PNO1: variants seen among roughly 807,000 people sequenced by gnomAD.
PNO1 encodes RNA-binding protein PNO1.
In PNO1, 16 loss-of-function variants were observed where a neutral mutation model predicts 28.4. That is an observed-to-expected ratio of 0.56 (90% CI 0.38 to 0.85). The LOEUF is 0.85. PNO1 is among the 40% of genes least tolerant of loss of function. The probability of loss-of-function intolerance (pLI) is 0.00; values close to 1 mark genes in which losing one functional copy is unlikely to be tolerated. For missense variants in PNO1, 304 were observed against 312.2 expected, an observed-to-expected ratio of 0.97 and a Z score of 0.20; for synonymous variants, 115 against 110.8, an observed-to-expected ratio of 1.04 and a Z score of -0.24.
chr2:68,165,383 CA>C (rs70949677), intron 5 of PNO1, among the ~76,000 whole-genome samples: 8 of 93,350 alleles, frequency 8.6e-5, no homozygotes, highest in African/African-American at 2.5e-4. Flanking sequence ...AAAAAAACAA[CA>C]AAAAAAAAAA....
chr2:68,161,487 G>A (rs750356371), intron 2 of PNO1, 196 bp from the exon 3 acceptor site: 1 of 559,268 alleles, frequency 1.8e-6, no homozygotes, highest in Non-Finnish European at 3.3e-6. Context: ...CCAAGCTTTG[G>A]AGCTGGGAAC....
chr2:68,158,642 A>G lies in PNO1; in HGVS notation c.357+113A>G. 3 of 961,660 alleles carry G rather than the reference A, an allele frequency of 3.1e-6. No homozygotes were observed. In the South Asian group the frequency reaches 6.0e-5, roughly 19 times the overall value. 59.6% of individuals were successfully genotyped at this position (961,660 alleles called of 1,614,324 possible). On this transcript the variant is annotated intron_variant, in intron 2 of 6. Coordinates refer to ENST00000263657, the MANE Select transcript of PNO1 (RefSeq NM_020143.4). The stretch of plus-strand genomic sequence containing the variant: ...CTTTTCTGTTGTATGGTTTTTGTCC[A>G]GTTTAAAAATTTACCATATTGAGTT...
At chr2:68,159,358 G>A (rs1289052735) in intron 2 of PNO1, among the ~76,000 whole-genome samples, 1 of 151,884 alleles carries the variant, frequency 6.6e-6, no homozygotes, top group African/African-American at 2.4e-5. Context: ...ACAGGTGCCT[G>A]CCACCAAACC....
chr2:68,164,875 C>T (rs1243186450), intron 5 of PNO1, among the ~76,000 whole-genome samples: 1 of 152,114 alleles, frequency 6.6e-6, no homozygotes, highest in Non-Finnish European at 1.5e-5. Flanking sequence ...TCCAGATAAA[C>T]CTGTTGTAAA....
chr2:68,170,975 C>T (rs772034775), intron 5 of PNO1, among the ~76,000 whole-genome samples: 4 of 152,314 alleles, frequency 2.6e-5, no homozygotes, highest in Admixed American at 6.5e-5. Flanking sequence ...TTCCACTGCA[C>T]ACACTCAGCC....
At chr2:68,164,889 A>G (rs532130098) in intron 5 of PNO1, among the ~76,000 whole-genome samples, 1 of 152,362 alleles carries the variant, frequency 6.6e-6, no homozygotes, top group East Asian at 1.9e-4. Context: ...TTGTAAATTA[A>G]TGATCTCATA....
At chr2:68,163,724 A>G (rs1211462334) in intron 5 of PNO1, among the ~76,000 whole-genome samples, 2 of 152,300 alleles carry the variant, frequency 1.3e-5, no homozygotes, top group Non-Finnish European at 2.9e-5. Flanking sequence ...GGAGGGGAAT[A>G]TCGTACATTA....
rs1162172089 is a variant in PNO1 at position 68,175,932 on chromosome 2, A to G, written c.*1130A>G. 6.6e-6 allele frequency: 1 copy of G among 152,230 alleles called. No homozygotes were observed. Among genetic ancestry groups the G allele is most frequent in the Non-Finnish European group, 1.5e-5 (1 of 68,024 alleles). The allele number at this position is 152,230 out of a possible 1,614,324, so 9.4% of individuals were successfully genotyped here. A position where few individuals can be genotyped will look rare whatever the true frequency, so the allele number is the denominator to read the frequency against. On this transcript the variant is annotated 3_prime_UTR_variant, in exon 7 of 7. Transcript: ENST00000263657. ...TCGTCTAATACAAAGCCTATTTTAT[A>G]ATAAAGTATGTTGAATATCTCATGT... is the stretch of plus-strand genomic sequence containing the variant.
chr2:68,170,623 C>T (rs530449438), intron 5 of PNO1, among the ~76,000 whole-genome samples: 73 of 151,860 alleles, frequency 4.8e-4, no homozygotes, highest in African/African-American at 1.7e-3. Flanking sequence ...TGGTGGGCAC[C>T]TGTAGTCCCA....
intron 2 of PNO1, among the ~76,000 whole-genome samples, chr2:68,159,274 GTGTGTA>G (rs559839721): frequency 0.023 from 3,564 of 151,684 alleles, 137 homozygotes; most frequent in African/African-American, 0.081. Context: ...GTGTGTGTGT[GTGTGTA>G]TATATATCTT....
At position 68,166,135 on chromosome 2, in the gene PNO1, G is replaced by A. The variant is rs183971267; in HGVS notation, c.620+3472G>A. ...TATTTTGGATTTCTCCATTTTGTTG[G>A]GTGTATCAGTAGTTCCTTTTTATTG... On this transcript the variant is annotated intron_variant, in intron 5 of 6. Transcript: ENST00000263657. Among the ~76,000 whole-genome samples, 41 of 152,158 alleles carry A rather than the reference G, an allele frequency of 2.7e-4. 1 individual carries two copies. In the East Asian group the frequency reaches 7.7e-3, roughly 29 times the overall value.
chr2:68,165,562 A>AC (rs1364301822), intron 5 of PNO1, among the ~76,000 whole-genome samples: 3 of 148,172 alleles, frequency 2.0e-5, no homozygotes, highest in African/African-American at 7.5e-5. Context: ...AAAAAAAAAA[A>AC]AAACGGCTGG....
At chr2:68,166,396 A>AG (rs1673998149) in intron 5 of PNO1, among the ~76,000 whole-genome samples, 1 of 151,830 alleles carries the variant, frequency 6.6e-6, no homozygotes, top group South Asian at 2.1e-4. Context: ...GCTAGAGAAA[A>AG]AATGTTATTA....
chr2:68,168,435 T>A (rs1409236820), intron 5 of PNO1, among the ~76,000 whole-genome samples: 2 of 152,168 alleles, frequency 1.3e-5, no homozygotes, highest in Admixed American at 1.3e-4. Context: ...CAATCAAAGC[T>A]GTAGTTACTG....
chr2:68,163,424 G>A (rs1368799757), intron 5 of PNO1, among the ~76,000 whole-genome samples: 1 of 152,024 alleles, frequency 6.6e-6, no homozygotes, highest in Non-Finnish European at 1.5e-5. Context: ...CCACCTACTC[G>A]GGAGGCTGAG....
chr2:68,173,854 T>A (rs1053298617), intron 6 of PNO1, among the ~76,000 whole-genome samples: 1 of 152,222 alleles, frequency 6.6e-6, no homozygotes, highest in Non-Finnish European at 1.5e-5. Flanking sequence ...GTGCTGGGAT[T>A]ACAGGCGTGA....
At position 68,158,413 on chromosome 2, in the gene PNO1, C is replaced by T; in HGVS notation, c.241C>T (p.Pro81Ser). The change falls in exon 2 of 7, where the codon CCA becomes TCA. Residue 81 changes from proline (P) to serine (S), a missense_variant. Transcript: ENST00000263657. The part of the protein sequence containing the change: ...GKEETRKIPV[P>S]ANRYTPLKEN... Reference sequence around the variant, plus strand: ...AGAAGAAACAAGGAAAATTCCAGTCCCAGCTAACAGATACACACCATTGAA... The same window carrying T: ...AGAAGAAACAAGGAAAATTCCAGTCTCAGCTAACAGATACACACCATTGAA... The T allele has an allele frequency of 6.2e-7, 1 of 1,612,198 alleles. No homozygotes were observed. The highest frequency in any genetic ancestry group is 8.5e-7 in the Non-Finnish European group (1 of 1,179,364).
In PNO1 at chr2:68,162,445, T is replaced by C; in HGVS notation, c.503-101T>C. 4.8e-6 allele frequency: 5 copies of C among 1,038,302 alleles called. No homozygotes were observed. In the Admixed American group the frequency reaches 8.2e-5, roughly 17 times the overall value. 64.3% of individuals were successfully genotyped at this position (1,038,302 alleles called of 1,614,324 possible). A position where few individuals can be genotyped will look rare whatever the true frequency, so the allele number is the denominator to read the frequency against. Reference sequence around the variant, plus strand: ...GCAACTTATATATATATATATACACTTTGTGTCCTTTAGAGAAATTTAGTT... The same window carrying C: ...GCAACTTATATATATATATATACACCTTGTGTCCTTTAGAGAAATTTAGTT... On this transcript the variant is annotated intron_variant, in intron 4 of 6. Coordinates refer to ENST00000263657, the MANE Select transcript of PNO1 (RefSeq NM_020143.4).
chr2:68,171,453 A>G (rs2103690636), intron 5 of PNO1, among the ~76,000 whole-genome samples: 1 of 152,314 alleles, frequency 6.6e-6, no homozygotes, highest in South Asian at 2.1e-4. Context: ...TTCGGTCTGC[A>G]CAGTCAGTTC....
Sources: gnomAD v4.1 joint callset for allele counts (sites outside exome capture counted in the v4.1 genomes callset) on GRCh38, gnomAD v4.1.1 for gene constraint, MANE v1.5 for transcripts, NCBI Gene and HGNC (gene_info 2026-07-23, HGNC 2026-07-21) for gene names.